NMNAT3: variants seen among roughly 807,000 people sequenced by gnomAD.
NMNAT3 encodes the protein nicotinamide nucleotide adenylyltransferase 3, also known as nicotinamide/nicotinic acid mononucleotide adenylyltransferase 3.
A neutral mutation model predicts 24.8 loss-of-function variants in NMNAT3; 21 were observed. The observed-to-expected ratio is 0.85, with a 90% confidence interval of 0.60 to 1.22. The LOEUF is 1.22. Among genes scored for constraint, NMNAT3 ranks in the 50% most tolerant of loss-of-function variants. The probability of loss-of-function intolerance (pLI) is 0.00; values close to 1 mark genes in which losing one functional copy is unlikely to be tolerated. For missense variants in NMNAT3, 387 were observed against 436.6 expected, an observed-to-expected ratio of 0.89 and a Z score of 1.01; for synonymous variants, 136 against 155.2, an observed-to-expected ratio of 0.88 and a Z score of 0.92.
At chr3:139,610,869 A>G (rs2055179512) in intron 3 of NMNAT3, among the ~76,000 whole-genome samples, 1 of 152,262 alleles carries the variant, frequency 6.6e-6, no homozygotes, top group Non-Finnish European at 1.5e-5. Context: ...AGTGATATAC[A>G]TCACATTGGA....
chr3:139,658,647 C>T (rs2057320044), intron 1 of NMNAT3, among the ~76,000 whole-genome samples: 1 of 152,204 alleles, frequency 6.6e-6, no homozygotes, highest in South Asian at 2.1e-4. Flanking sequence ...ACTCCTCTAT[C>T]CATTTGGCAA....
chr3:139,664,251 C>T (rs530476515), intron 1 of NMNAT3, among the ~76,000 whole-genome samples: 2 of 152,188 alleles, frequency 1.3e-5, no homozygotes, highest in Non-Finnish European at 2.9e-5. Context: ...TCTTCACAGT[C>T]TGAAATTCAA....
intron 3 of NMNAT3, among the ~76,000 whole-genome samples, chr3:139,626,726 A>G (rs1182751099): frequency 6.6e-6 from 1 of 152,276 alleles, no homozygotes; most frequent in South Asian, 2.1e-4. Flanking sequence ...CAATAAAAAT[A>G]TGTTTCTAAA....
intron 1 of NMNAT3, among the ~76,000 whole-genome samples, chr3:139,662,915 C>T (rs922859756): frequency 1.1e-4 from 16 of 152,218 alleles, no homozygotes; most frequent in South Asian, 2.1e-4. Context: ...TTTTCAGACA[C>T]GATTTCCCTG....
intron 1 of NMNAT3, among the ~76,000 whole-genome samples, chr3:139,647,078 G>A (rs558587688): frequency 1.3e-5 from 2 of 152,314 alleles, no homozygotes; most frequent in South Asian, 4.1e-4. Context: ...ATAATAGATA[G>A]CTTCTCAATT....
intron 6 of NMNAT3, chr3:139,570,674 A>C (rs1938107465): frequency 6.5e-6 from 1 of 152,742 alleles, no homozygotes; most frequent in Non-Finnish European, 1.5e-5. Context: ...GGTGAACCGC[A>C]GATGCTGCTG....
chr3:139,657,614 A>C (rs1429973110), intron 1 of NMNAT3, among the ~76,000 whole-genome samples: 1 of 151,774 alleles, frequency 6.6e-6, no homozygotes, highest in Non-Finnish European at 1.5e-5. Context: ...GGAGTCTGCC[A>C]TGGAGGGGTT....
chr3:139,624,606 A>C (rs1246078189), intron 3 of NMNAT3, among the ~76,000 whole-genome samples: 2 of 151,852 alleles, frequency 1.3e-5, no homozygotes, highest in Non-Finnish European at 2.9e-5. Context: ...GTGCCACCAC[A>C]CCTGGCTGAT....
intron 3 of NMNAT3, among the ~76,000 whole-genome samples, chr3:139,622,155 C>G (rs1396970792): frequency 2.0e-5 from 3 of 152,058 alleles, no homozygotes; most frequent in Non-Finnish European, 2.9e-5. Context: ...TGAGATATCT[C>G]CATACTGTTT....
intron 6 of NMNAT3, among the ~76,000 whole-genome samples, chr3:139,561,730 C>G (rs1457151547): frequency 6.6e-6 from 1 of 152,152 alleles, no homozygotes; most frequent in Non-Finnish European, 1.5e-5. Flanking sequence ...GTACCCAGTA[C>G]TGTGTCTTCT....
chr3:139,568,972 A>C (rs921617403), intron 6 of NMNAT3: 1 of 152,124 alleles, frequency 6.6e-6, no homozygotes, highest in Non-Finnish European at 1.5e-5. Flanking sequence ...ATTGTGTGGG[A>C]GTCTAAGTCT....
At chr3:139,653,622 G>T (rs1028186070) in intron 1 of NMNAT3, among the ~76,000 whole-genome samples, 1 of 152,228 alleles carries the variant, frequency 6.6e-6, no homozygotes, top group Admixed American at 6.5e-5. Context: ...GGCTCAGTTT[G>T]TTGCCTTCAA....
At position 139,560,909 on chromosome 3, in the gene NMNAT3, G is replaced by T; in HGVS notation, c.*101C>A. The stretch of plus-strand genomic sequence containing the variant: ...GAATCACTGTAGAAATAAAGCAAAT[G>T]AAAAATGGAGAAGCAAAAACCAAAG... On this transcript the variant is annotated 3_prime_UTR_variant, in exon 7 of 7. Coordinates refer to ENST00000643695, the MANE Select transcript of NMNAT3 (RefSeq NM_001320510.2). 1 of 1,208,590 alleles carries T rather than the reference G, an allele frequency of 8.3e-7. No homozygotes were observed. The highest frequency in any genetic ancestry group is 1.2e-6 in the Non-Finnish European group (1 of 856,320). 74.9% of individuals were successfully genotyped at this position (1,208,590 alleles called of 1,614,324 possible). A position where few individuals can be genotyped will look rare whatever the true frequency, so the allele number is the denominator to read the frequency against.
At chr3:139,565,741 T>C (rs1937097356) in intron 6 of NMNAT3, 1 of 152,224 alleles carries the variant, frequency 6.6e-6, no homozygotes, top group Admixed American at 6.5e-5. Flanking sequence ...ATGTGCCACA[T>C]TTTCTTAATC....
chr3:139,671,100 A>G (rs1479921115), intron 1 of NMNAT3, among the ~76,000 whole-genome samples: 1 of 152,228 alleles, frequency 6.6e-6, no homozygotes, highest in Non-Finnish European at 1.5e-5. Context: ...AATTTGGCTG[A>G]TTTTAAGATT....
intron 3 of NMNAT3, among the ~76,000 whole-genome samples, chr3:139,591,745 T>C (rs2054195252): frequency 6.6e-6 from 1 of 152,182 alleles, no homozygotes; most frequent in South Asian, 2.1e-4. Context: ...CCAACAGACC[T>C]GCAGCTGAGG....
chr3:139,586,250 G>A (rs902550865), intron 3 of NMNAT3, among the ~76,000 whole-genome samples: 2 of 152,162 alleles, frequency 1.3e-5, no homozygotes, highest in African/African-American at 4.8e-5. Flanking sequence ...AGTGAGAGAA[G>A]CAGAGAAAAT....
chr3:139,674,486 G>A (rs568940375), intron 1 of NMNAT3, among the ~76,000 whole-genome samples: 1 of 152,184 alleles, frequency 6.6e-6, no homozygotes, highest in African/African-American at 2.4e-5. Context: ...TGGTGAGGAC[G>A]AGCCACTTTA....
At chr3:139,576,352 C>T (rs895961930) in intron 5 of NMNAT3, 2 of 785,976 alleles carry the variant, frequency 2.5e-6, no homozygotes. Flanking sequence ...AAATCTTAAT[C>T]AGCATTTGAT....
Sources: allele counts gnomAD v4.1 joint callset (sites outside exome capture counted in the v4.1 genomes callset), GRCh38; gene constraint gnomAD v4.1.1; transcripts MANE v1.5; gene names NCBI Gene and HGNC (gene_info 2026-07-23, HGNC 2026-07-21).